The following MS4A8 variants were observed in gnomAD, a reference collection of about 807,000 sequenced individuals.
MS4A8 encodes membrane spanning 4-domains A8.
MS4A8 carries 27 observed loss-of-function variants against 23.7 expected under a neutral mutation model. That is an observed-to-expected ratio of 1.14 (90% CI 0.84 to 1.57). MS4A8 has a LOEUF of 1.57. Among genes scored for constraint, MS4A8 ranks in the 40% most tolerant of loss-of-function variants. MS4A8 has a pLI of 0.00. For missense variants in MS4A8, 301 were observed against 311.4 expected (o/e 0.97, Z 0.25); for synonymous variants, 138 against 126.3 (o/e 1.09, Z -0.62).
Position 60,701,612 on chromosome 11 carries a change from C to T in MS4A8, c.219+533C>T, listed in dbSNP as rs1375960870. 8.0e-5 allele frequency: 20 copies of T among 249,666 alleles called. No individual in the cohort carries two copies. In the Admixed American group the frequency reaches 9.6e-4, roughly 12 times the overall value. 15.5% of individuals were successfully genotyped at this position (249,666 alleles called of 1,614,324 possible). A position where few individuals can be genotyped will look rare whatever the true frequency, so the allele number is the denominator to read the frequency against. On this transcript the variant is annotated intron_variant, in intron 2 of 6. Coordinates refer to ENST00000300226, the MANE Select transcript of MS4A8 (RefSeq NM_031457.2). ...CAGACTGCCCGAGCTCCAACCCTAGCTCCACCCTCAGATAGTGCTCATGGG... is the reference window on the plus strand; with the variant it reads ...CAGACTGCCCGAGCTCCAACCCTAGTTCCACCCTCAGATAGTGCTCATGGG...
intron 1 of MS4A8, among the ~76,000 whole-genome samples, 157 bp downstream of exon 1, chr11:60,699,932 G>A (rs1427961239): frequency 6.6e-6 from 1 of 152,138 alleles, no homozygotes; most frequent in African/African-American, 2.4e-5. Flanking sequence ...GAGAAAGATA[G>A]GACATGGAGG....
chr11:60,703,676 C>T (rs552458876), intron 3 of MS4A8, among the ~76,000 whole-genome samples, 176 bp downstream of exon 3: 3 of 152,274 alleles, frequency 2.0e-5, no homozygotes, highest in East Asian at 3.9e-4. Context: ...TTGGTAGGGC[C>T]GGCCCAACAG....
chr11:60,715,328 A>G lies in MS4A8; in HGVS notation c.667A>G (p.Asn223Asp), dbSNP rs1317267346. The change falls in exon 7 of 7, where the codon AAC becomes GAC. Residue 223 changes from asparagine (N) to aspartate (D), a missense_variant. Asn to Asp is a conservative substitution (Grantham distance 23). Coordinates refer to ENST00000300226, the MANE Select transcript of MS4A8 (RefSeq NM_031457.2). ...TTTCCAGGTGAGTGTCATCTATCCA[A>G]ACATCTATGCAGCAAACCCAGTGAT... ...QSSNVSVIYP[N>D]IYAANPVITP... is the part of the protein sequence containing the mutation. 8.1e-6 allele frequency: 13 copies of G among 1,613,986 alleles called. No homozygotes were observed. The highest frequency in any genetic ancestry group is 1.1e-5 in the Non-Finnish European group (13 of 1,179,986).
At chr11:60,702,813 C>T (rs1196014904) in intron 2 of MS4A8, among the ~76,000 whole-genome samples, 1 of 152,196 alleles carries the variant, frequency 6.6e-6, no homozygotes, top group Non-Finnish European at 1.5e-5. Context: ...CAAATAGAGT[C>T]ACATTCTGAG....
chr11:60,711,010 T>C (rs1018892314), intron 5 of MS4A8, among the ~76,000 whole-genome samples: 8 of 152,006 alleles, frequency 5.3e-5, no homozygotes, highest in Non-Finnish European at 1.2e-4. Context: ...ACACCCACAC[T>C]CTCCCAGTAA....
rs868833169 is a variant in MS4A8, at chr11:60,701,233, T to C, written c.219+154T>C. On this transcript the variant is annotated intron_variant, in intron 2 of 6. Coordinates refer to ENST00000300226, the MANE Select transcript of MS4A8 (RefSeq NM_031457.2). ...GCACAGGTCTATTAGAAAGCTCAGC[T>C]GCACAACATCACAGGCGGCCTCTGC... 36 of 746,380 alleles carry C rather than the reference T, an allele frequency of 4.8e-5. No individual in the cohort carries two copies. In the Middle Eastern group the frequency reaches 2.3e-3, roughly 47 times the overall value. The allele number at this position is 746,380 out of a possible 1,614,324, so 46.2% of individuals were successfully genotyped here. A position where few individuals can be genotyped will look rare whatever the true frequency, so the allele number is the denominator to read the frequency against.
chr11:60,707,835 T>G (rs932423869), intron 4 of MS4A8, among the ~76,000 whole-genome samples: 2 of 78,956 alleles, frequency 2.5e-5, no homozygotes, highest in African/African-American at 5.1e-5. Flanking sequence ...TTTTTTTTTT[T>G]GTGTGTGTGT....
intron 5 of MS4A8, among the ~76,000 whole-genome samples, chr11:60,713,091 C>T (rs1171307971): frequency 2.0e-5 from 3 of 152,084 alleles, no homozygotes; most frequent in Non-Finnish European, 4.4e-5. Flanking sequence ...CTTCCCAAGC[C>T]AGAGAAACAG....
In MS4A8 at chr11:60,708,770, G is replaced by A. The variant is rs775637715; in HGVS notation, c.523G>A (p.Ala175Thr). ...PYAYPDYYPY[A>T]WGVNPGMAIS... ...TGCCTACCCCGACTATTATCCTTAC[G>A]CCTGGGGTGTGGTGAGTATCCCTCT... The change falls in exon 5 of 7, where the codon GCC (alanine) becomes ACC (threonine). Residue 175 changes from alanine to threonine, a missense_variant. By Grantham distance (58) the Ala-to-Thr change is moderately conservative. Coordinates refer to ENST00000300226, the MANE Select transcript of MS4A8 (RefSeq NM_031457.2). 6 of 1,613,726 alleles carry A rather than the reference G, an allele frequency of 3.7e-6. No homozygotes were observed. Among genetic ancestry groups the A allele is most frequent in the Non-Finnish European group, 5.1e-6 (6 of 1,179,876 alleles).
In MS4A8 at chr11:60,715,024, C is replaced by G. The variant is rs371762860; in HGVS notation, c.538C>G (p.Pro180Ala). Reference sequence around the variant, plus strand: ...TCCCCATCTGCTCTGCCTACAGAACCCTGGAATGGCGATTTCTGGCGTGCT... The same window carrying G: ...TCCCCATCTGCTCTGCCTACAGAACGCTGGAATGGCGATTTCTGGCGTGCT... Reference protein sequence around the residue: ...DYYPYAWGVNPGMAISGVLLV... With the variant: ...DYYPYAWGVNAGMAISGVLLV... The change falls in exon 6 of 7, where the codon CCT (proline) becomes GCT (alanine). Residue 180 changes from proline (P) to alanine (A), a missense_variant. Coordinates refer to ENST00000300226, the MANE Select transcript of MS4A8 (RefSeq NM_031457.2). The G allele has an allele frequency of 1.9e-6, 3 of 1,613,456 alleles. No individual in the cohort carries two copies. In the Admixed American group the frequency reaches 5.0e-5, roughly 27 times the overall value.
chr11:60,703,054 C>A, intron 2 of MS4A8: 1 of 192,538 alleles, frequency 5.2e-6, no homozygotes, highest in Non-Finnish European at 1.0e-5. Context: ...TCTGAGCAGC[C>A]CTGAAAAAAC....
rs769122600 is a variant in MS4A8, at chr11:60,706,968, C to T, written c.343-20C>T. 1.2e-6 allele frequency: 2 copies of T among 1,613,544 alleles called. No homozygotes were observed. The highest frequency in any genetic ancestry group is 2.2e-5 in the South Asian group (2 of 91,042). ...CCCTAGCCCCTGACCTCTTTCTAAA[C>T]CCACTCTGTTCTGTACCAGTTTATC... On this transcript the variant is annotated intron_variant, in intron 3 of 6. Coordinates refer to ENST00000300226, the MANE Select transcript of MS4A8 (RefSeq NM_031457.2).
Position 60,706,704 on chromosome 11 carries a change from C to T in MS4A8, c.343-284C>T, listed in dbSNP as rs190339767. On this transcript the variant is annotated intron_variant, in intron 3 of 6. Coordinates refer to ENST00000300226, the MANE Select transcript of MS4A8 (RefSeq NM_031457.2). ...ACTTGGGAAGAGCTATAAATTTTTC[C>T]ATTTTGTAGATGAGGAAATAAAGAC... Among the ~76,000 whole-genome samples, 108 of 152,290 alleles carry T rather than the reference C, an allele frequency of 7.1e-4. No homozygotes were observed. The East Asian group carries it at 9.4e-3, about 13-fold the overall frequency.
At position 60,715,506 on chromosome 11, in the gene MS4A8, C is replaced by T. The variant is rs1033864500; in HGVS notation, c.*92C>T. The T allele has an allele frequency of 2.2e-6, 2 of 924,918 alleles. No homozygotes were observed. The highest frequency in any genetic ancestry group is 1.7e-6 in the Non-Finnish European group (1 of 591,100). The allele number at this position is 924,918 out of a possible 1,614,324, so 57.3% of individuals were successfully genotyped here. On this transcript the variant is annotated 3_prime_UTR_variant, in exon 7 of 7. Coordinates refer to ENST00000300226, the MANE Select transcript of MS4A8 (RefSeq NM_031457.2). ...ATAACCCAGGTCGTTCCTGTTCTGA[C>T]AGCTGAGGAAACGTCTCTCCCACTG...
chr11:60,707,032 A>G lies in MS4A8; in HGVS notation c.387A>G (p.Pro129=). 2 of 1,614,008 alleles carry G rather than the reference A, an allele frequency of 1.2e-6. No homozygotes were observed. Among genetic ancestry groups the G allele is most frequent in the Non-Finnish European group, 1.7e-6 (2 of 1,179,856 alleles). The part of the protein sequence containing the change: ...GSLSVAAENQ[P]YSYCLLSGSL... The stretch of plus-strand genomic sequence containing the variant: ...TCTCCGTGGCAGCAGAAAATCAGCC[A>G]TATTCTTATTGCCTGGTAAGTTACA... Residue 129 remains proline, a synonymous_variant, in exon 4 of 7, where the codon CCA becomes CCG. Coordinates refer to ENST00000300226, the MANE Select transcript of MS4A8 (RefSeq NM_031457.2).
chr11:60,708,629 G>T, intron 4 of MS4A8, 21 bp from the exon 5 acceptor site: 1 of 1,493,882 alleles, frequency 6.7e-7, no homozygotes, highest in South Asian at 1.5e-5. Flanking sequence ...CGCCCATCCT[G>T]ACCCTCTGTG....
intron 5 of MS4A8, chr11:60,712,341 C>T (rs995746249): frequency 2.0e-5 from 20 of 985,134 alleles, no homozygotes; most frequent in African/African-American, 1.7e-5. Context: ...TTGTGCCTCT[C>T]AGGATGCATT....
At position 60,715,370 on chromosome 11, in the gene MS4A8, A is replaced by G. The variant is rs2088335338; in HGVS notation, c.709A>G (p.Thr237Ala). Residue 237 changes from threonine to alanine, a missense_variant, in exon 7 of 7, where the codon ACC (threonine) becomes GCC (alanine). Coordinates refer to ENST00000300226, the MANE Select transcript of MS4A8 (RefSeq NM_031457.2). Reference protein sequence around the residue: ...ANPVITPEPVTSPPSYSSEIQ... With the variant: ...ANPVITPEPVASPPSYSSEIQ... ...CCCAGTGATCACCCCAGAACCGGTG[A>G]CCTCACCACCAAGTTATTCCAGTGA... 1 of 1,614,048 alleles carries G rather than the reference A, an allele frequency of 6.2e-7. No individual in the cohort carries two copies. The highest frequency in any genetic ancestry group is 8.5e-7 in the Non-Finnish European group (1 of 1,180,028).
intron 1 of MS4A8, among the ~76,000 whole-genome samples, chr11:60,700,131 C>G (rs1473511099): frequency 6.6e-6 from 1 of 152,206 alleles, no homozygotes; most frequent in Non-Finnish European, 1.5e-5. Context: ...TTCTTGTCCA[C>G]TCTCTCACCC....
Sources: allele counts gnomAD v4.1 joint callset (sites outside exome capture counted in the v4.1 genomes callset), GRCh38; gene constraint gnomAD v4.1.1; transcripts MANE v1.5; gene names NCBI Gene and HGNC (gene_info 2026-07-23, HGNC 2026-07-21).